SYNE1: variants seen among roughly 807,000 people sequenced by gnomAD.
The protein encoded by SYNE1 is spectrin repeat containing nuclear envelope protein 1.
SYNE1 carries 616 observed loss-of-function variants against 1,111.0 expected under a neutral mutation model. That is an observed-to-expected ratio of 0.55 (90% confidence interval 0.52 to 0.59). The LOEUF is 0.59. SYNE1 is among the 20% of genes least tolerant of loss of function. The probability of loss-of-function intolerance (pLI) is 0.00; values close to 1 mark genes in which losing one functional copy is unlikely to be tolerated. For synonymous variants in SYNE1, 3,855 were observed against 3,825.8 expected, an observed-to-expected ratio of 1.01 and a Z score of -0.28; for missense variants, 10,006 against 10,417.0, an observed-to-expected ratio of 0.96 and a Z score of 1.72.
At chr6:152,204,373 A>G (rs2076103557) in intron 126 of SYNE1, among the ~76,000 whole-genome samples, 1 of 149,186 alleles carries the variant, frequency 6.7e-6, no homozygotes, top group Non-Finnish European at 1.5e-5. Context: ...GTCAAAAAAA[A>G]AAAAAAGAAA....
chr6:152,625,314 T>C (rs1304058512), intron 3 of SYNE1, among the ~76,000 whole-genome samples: 1 of 152,194 alleles, frequency 6.6e-6, no homozygotes, highest in African/African-American at 2.4e-5. Flanking sequence ...TTAGTAAATA[T>C]GCACAGTGAC....
At chr6:152,328,726 G>A (rs1021324359) in intron 78 of SYNE1, among the ~76,000 whole-genome samples, 4 of 152,038 alleles carry the variant, frequency 2.6e-5, no homozygotes, top group Admixed American at 6.6e-5. Context: ...TCTTATTTTT[G>A]AATGCACAGA....
At chr6:152,411,425 G>A (rs1310075181) in intron 42 of SYNE1, among the ~76,000 whole-genome samples, 1 of 152,100 alleles carries the variant, frequency 6.6e-6, no homozygotes, top group Non-Finnish European at 1.5e-5. Flanking sequence ...GGCTATTCTA[G>A]TAGGTCTTGT....
chr6:152,393,471 G>T (rs1203233), intron 51 of SYNE1, among the ~76,000 whole-genome samples: 59,249 of 151,456 alleles, frequency 0.39, 12,057 homozygotes, highest in East Asian at 0.75. Flanking sequence ...AATGATGCTA[G>T]TATTCTGTTA....
At chr6:152,502,030 C>T (rs1161925288) in intron 10 of SYNE1, among the ~76,000 whole-genome samples, 1 of 152,036 alleles carries the variant, frequency 6.6e-6, no homozygotes, top group Non-Finnish European at 1.5e-5. Flanking sequence ...TATAGGTTCT[C>T]TCTAGAAGGT....
intron 104 of SYNE1, among the ~76,000 whole-genome samples, chr6:152,254,540 G>A (rs1025413882): frequency 1.3e-5 from 2 of 152,086 alleles, no homozygotes; most frequent in African/African-American, 4.8e-5. Context: ...GTGAGCCACT[G>A]TGCCCGGCCA....
intron 87 of SYNE1, among the ~76,000 whole-genome samples, chr6:152,313,464 C>CTTTTCT (rs2095614170): frequency 5.9e-5 from 8 of 135,640 alleles, no homozygotes. Context: ...ATTTTCTTTT[C>CTTTTCT]TTTTTTTTTT....
chr6:152,387,044 G>A (rs997547079), intron 54 of SYNE1, 28 bp downstream of exon 54: 1 of 1,579,368 alleles, frequency 6.3e-7, no homozygotes. Context: ...GTATTATAAA[G>A]CATCTACTTT....
chr6:152,363,704 G>A (rs574495467), intron 63 of SYNE1: 72 of 454,428 alleles, frequency 1.6e-4, no homozygotes, highest in African/African-American at 1.1e-3. Flanking sequence ...AGATCTCTTA[G>A]CTTGAAGACA....
intron 106 of SYNE1, among the ~76,000 whole-genome samples, chr6:152,244,029 T>G (rs2086448195): frequency 6.6e-6 from 1 of 152,220 alleles, no homozygotes; most frequent in Admixed American, 6.5e-5. Flanking sequence ...GTTTAATTTT[T>G]GTTGTTGTTG....
intron 17 of SYNE1, 148 bp from the exon 18 acceptor site, chr6:152,465,608 A>C: frequency 1.3e-6 from 1 of 760,836 alleles, no homozygotes; most frequent in Non-Finnish European, 2.2e-6. Context: ...CATAATTACA[A>C]ATGGAAAACA....
chr6:152,593,841 G>A (rs540908794), intron 3 of SYNE1, among the ~76,000 whole-genome samples: 12 of 152,084 alleles, frequency 7.9e-5, no homozygotes, highest in South Asian at 2.1e-4. Flanking sequence ...TGTGAAAATC[G>A]TATGAGATCA....
chr6:152,430,935 A>G (rs2098423101), intron 34 of SYNE1, among the ~76,000 whole-genome samples: 1 of 152,146 alleles, frequency 6.6e-6, no homozygotes, highest in African/African-American at 2.4e-5. Context: ...GATAGAGCAT[A>G]CGGAGAAATA....
chr6:152,371,151 T>C (rs532782131), intron 59 of SYNE1, among the ~76,000 whole-genome samples: 13 of 152,100 alleles, frequency 8.5e-5, no homozygotes, highest in South Asian at 4.2e-4. Context: ...CCACTTGATA[T>C]GGTTTGGCTG....
chr6:152,130,451 C>T (rs983518681), intron 145 of SYNE1, among the ~76,000 whole-genome samples: 2 of 152,138 alleles, frequency 1.3e-5, no homozygotes, highest in African/African-American at 4.8e-5. Context: ...TAATCAAATC[C>T]TTATTGACAA....
chr6:152,301,248 A>G (rs1210306355), intron 92 of SYNE1, among the ~76,000 whole-genome samples: 1 of 152,236 alleles, frequency 6.6e-6, no homozygotes, highest in African/African-American at 2.4e-5. Context: ...CACAGCACAT[A>G]TAAGGGAAAA....
intron 93 of SYNE1, among the ~76,000 whole-genome samples, chr6:152,298,525 A>T (rs913793977): frequency 1.3e-5 from 2 of 152,160 alleles, no homozygotes; most frequent in African/African-American, 4.8e-5. Flanking sequence ...GTAGTTATAT[A>T]ACGGAGATCT....
At chr6:152,334,399 GTATAA>G (rs2096329759) in intron 76 of SYNE1, 126 bp from the exon 77 acceptor site, 2 of 1,048,294 alleles carry the variant, frequency 1.9e-6, no homozygotes, top group Admixed American at 5.4e-5. Context: ...ACTGAAGAAT[GTATAA>G]TAAGTTATGG....
chr6:152,227,947 T>C (rs1265021392), intron 115 of SYNE1, among the ~76,000 whole-genome samples: 1 of 152,176 alleles, frequency 6.6e-6, no homozygotes, highest in African/African-American at 2.4e-5. Flanking sequence ...CCTACCATTT[T>C]TAAAAACAAT....
Sources: gnomAD v4.1 joint callset for allele counts (sites outside exome capture counted in the v4.1 genomes callset) on GRCh38, gnomAD v4.1.1 for gene constraint, MANE v1.5 for transcripts, NCBI Gene and HGNC (gene_info 2026-07-23, HGNC 2026-07-21) for gene names.